PRKG1: variants seen among roughly 807,000 people sequenced by gnomAD.
PRKG1 encodes the protein protein kinase cGMP-dependent 1.
A neutral mutation model predicts 88.1 loss-of-function variants in PRKG1; 35 were observed. That is an observed-to-expected ratio of 0.40 (90% CI 0.30 to 0.53). PRKG1 has a LOEUF of 0.53. Ranked by LOEUF, PRKG1 falls within the 20% of genes least tolerant of loss-of-function variation. The pLI, the probability that PRKG1 is intolerant of heterozygous loss-of-function variation, is 0.59. For synonymous variants in PRKG1, 303 were observed against 292.5 expected (o/e 1.04, Z -0.37); for missense variants, 540 against 839.8 (o/e 0.64, Z 4.41).
At chr10:51,441,809 A>G (rs1839115503) in intron 2 of PRKG1, among the ~76,000 whole-genome samples, 1 of 152,020 alleles carries the variant, frequency 6.6e-6, no homozygotes, top group Non-Finnish European at 1.5e-5. Context: ...CTCCTGAGTC[A>G]TATTACACCA....
At chr10:52,024,367 A>G (rs893536334) in intron 5 of PRKG1, among the ~76,000 whole-genome samples, 1 of 151,062 alleles carries the variant, frequency 6.6e-6, no homozygotes, top group Admixed American at 6.6e-5. Flanking sequence ...TCTAGGGTAC[A>G]TGTGCACAAC....
intron 13 of PRKG1, among the ~76,000 whole-genome samples, chr10:52,281,497 A>C (rs1301301266): frequency 6.6e-6 from 1 of 152,110 alleles, no homozygotes; most frequent in East Asian, 1.9e-4. Flanking sequence ...GTTATTCAGC[A>C]TGTGGTTTTT....
chr10:51,381,015 A>G (rs971355714), intron 2 of PRKG1, among the ~76,000 whole-genome samples: 4 of 151,954 alleles, frequency 2.6e-5, no homozygotes, highest in African/African-American at 4.8e-5. Flanking sequence ...CTCTGAGTCC[A>G]TTCTTTGAAT....
rs913143053 is a variant in PRKG1 at position 51,326,952 on chromosome 10, T to A, written c.479-140771T>A. On this transcript the variant is annotated intron_variant, in intron 2 of 17. Transcript: ENST00000373980. Reference sequence around the variant, plus strand: ...GGTATTTGTCTCTTATTTATTGTGTTGATCATGAAAATAGTATCTCTACCC... The same window carrying A: ...GGTATTTGTCTCTTATTTATTGTGTAGATCATGAAAATAGTATCTCTACCC... Among the ~76,000 whole-genome samples, 6 of 152,190 alleles carry A rather than the reference T, an allele frequency of 3.9e-5. No individual in the cohort carries two copies. In the East Asian group the frequency reaches 1.2e-3, roughly 29 times the overall value.
At chr10:51,040,983 T>C (rs1034307380) in intron 1 of PRKG1, among the ~76,000 whole-genome samples, 1 of 152,146 alleles carries the variant, frequency 6.6e-6, no homozygotes, top group African/African-American at 2.4e-5. Flanking sequence ...TTCTTTCTCT[T>C]GTCTGGTTGC....
intron 4 of PRKG1, among the ~76,000 whole-genome samples, chr10:51,850,480 G>A (rs763677298): frequency 4.7e-5 from 7 of 148,428 alleles, no homozygotes; most frequent in Non-Finnish European, 7.5e-5. Flanking sequence ...TCCAGCCCAT[G>A]TTGCAATTTT....
At chr10:51,269,272 A>T (rs1839916347) in intron 2 of PRKG1, among the ~76,000 whole-genome samples, 1 of 152,166 alleles carries the variant, frequency 6.6e-6, no homozygotes, top group Non-Finnish European at 1.5e-5. Context: ...TTACACTGCT[A>T]GTGGGAATGT....
chr10:51,917,991 A>T (rs573439815), intron 5 of PRKG1, among the ~76,000 whole-genome samples: 2 of 152,322 alleles, frequency 1.3e-5, no homozygotes, highest in African/African-American at 4.8e-5. Context: ...GGGTTCCTAT[A>T]TGCATTTGAT....
chr10:52,240,755 A>G (rs1432038516), intron 9 of PRKG1, among the ~76,000 whole-genome samples: 1 of 152,154 alleles, frequency 6.6e-6, no homozygotes, highest in Non-Finnish European at 1.5e-5. Context: ...CTATACTAAG[A>G]ATGATATACG....
chr10:51,889,216 C>G (rs1209237540), intron 4 of PRKG1, among the ~76,000 whole-genome samples: 1 of 120,166 alleles, frequency 8.3e-6, no homozygotes, highest in African/African-American at 3.1e-5. Context: ...CCCCTCCCCC[C>G]ACCCCACAAC....
intron 2 of PRKG1, among the ~76,000 whole-genome samples, chr10:51,205,042 T>C (rs1174534923): frequency 6.6e-6 from 1 of 151,066 alleles, no homozygotes; most frequent in Non-Finnish European, 1.5e-5. Context: ...CCTGAAATCC[T>C]AACTATCCTC....
intron 5 of PRKG1, among the ~76,000 whole-genome samples, chr10:51,969,071 G>A (rs1463956525): frequency 6.6e-6 from 1 of 152,012 alleles, no homozygotes; most frequent in Non-Finnish European, 1.5e-5. Flanking sequence ...ATCAGGGTAT[G>A]ATTAAAAAAC....
At chr10:51,747,775 G>T (rs1837617875) in intron 3 of PRKG1, among the ~76,000 whole-genome samples, 1 of 151,582 alleles carries the variant, frequency 6.6e-6, no homozygotes. Flanking sequence ...CTTTTTTTTG[G>T]AGAGGGGCAC....
intron 4 of PRKG1, among the ~76,000 whole-genome samples, chr10:51,887,351 G>A (rs10762468): frequency 0.75 from 114,421 of 152,008 alleles, 43,580 homozygotes; most frequent in African/African-American, 0.87. Flanking sequence ...TATCTTGGCT[G>A]TAGTCAATAA....
intron 2 of PRKG1, among the ~76,000 whole-genome samples, chr10:51,356,651 C>T (rs901152095): frequency 6.6e-6 from 1 of 151,966 alleles, no homozygotes; most frequent in African/African-American, 2.4e-5. Context: ...TCATCTGTAG[C>T]CTCTTCTGTT....
intron 2 of PRKG1, among the ~76,000 whole-genome samples, chr10:51,189,378 C>T (rs1174858894): frequency 3.3e-5 from 5 of 151,702 alleles, no homozygotes; most frequent in Admixed American, 6.6e-5. Context: ...CACAGGGAAC[C>T]GAATTAAAGA....
chr10:51,464,411 T>A (rs1839830496), intron 2 of PRKG1, among the ~76,000 whole-genome samples: 1 of 152,206 alleles, frequency 6.6e-6, no homozygotes, highest in Non-Finnish European at 1.5e-5. Context: ...ATGTTTTATG[T>A]CAAAACTGCT....
intron 9 of PRKG1, among the ~76,000 whole-genome samples, chr10:52,176,232 A>T: frequency 9.7e-6 from 1 of 103,314 alleles, no homozygotes; most frequent in East Asian, 2.8e-4. Flanking sequence ...CATTCTGCAT[A>T]TTGGTACCCA....
At chr10:52,284,134 G>T (rs1842060849) in intron 14 of PRKG1, among the ~76,000 whole-genome samples, 2 of 151,606 alleles carry the variant, frequency 1.3e-5, no homozygotes, top group South Asian at 2.1e-4. Flanking sequence ...TATCTGACTG[G>T]AATATAATAA....
Sources: allele counts gnomAD v4.1 joint callset (sites outside exome capture counted in the v4.1 genomes callset), GRCh38; gene constraint gnomAD v4.1.1; transcripts MANE v1.5; gene names NCBI Gene and HGNC (gene_info 2026-07-23, HGNC 2026-07-21).